Variants in DEUP1 observed in about 807,000 individuals in gnomAD.
DEUP1 encodes the protein coiled-coil domain containing 67.
A neutral mutation model predicts 87.4 loss-of-function variants in DEUP1; 82 were observed. The ratio of observed to expected loss-of-function variants is 0.94; its 90% CI spans 0.78 to 1.13. The LOEUF is 1.13. Among genes scored for constraint, DEUP1 ranks in the 50% most tolerant of loss-of-function variants. The pLI, the probability that DEUP1 is intolerant of heterozygous loss-of-function variation, is 0.00. For missense variants in DEUP1, 663 were observed against 681.5 expected (o/e 0.97, Z 0.30); for synonymous variants, 214 against 222.7 (o/e 0.96, Z 0.35).
intron 7 of DEUP1, among the ~76,000 whole-genome samples, chr11:93,376,172 G>A (rs1419929702): frequency 6.6e-6 from 1 of 152,104 alleles, no homozygotes; most frequent in Non-Finnish European, 1.5e-5. Flanking sequence ...TCGAACTCCT[G>A]AGCTCAAATG....
intron 12 of DEUP1, among the ~76,000 whole-genome samples, chr11:93,412,062 T>G (rs923589884): frequency 1.3e-5 from 2 of 152,178 alleles, no homozygotes; most frequent in African/African-American, 4.8e-5. Flanking sequence ...ATAGGGAGTT[T>G]AGTGGAGTGT....
At chr11:93,370,783 A>G (rs993642421) in intron 6 of DEUP1, among the ~76,000 whole-genome samples, 1 of 152,016 alleles carries the variant, frequency 6.6e-6, no homozygotes, top group Admixed American at 6.6e-5. Context: ...CTTGCTTAGT[A>G]TGGCTTTACT....
chr11:93,360,597 T>G, intron 4 of DEUP1, among the ~76,000 whole-genome samples: 1 of 152,014 alleles, frequency 6.6e-6, no homozygotes, highest in Non-Finnish European at 1.5e-5. Flanking sequence ...AAATAAATAA[T>G]ATAAAGAACC....
intron 13 of DEUP1, among the ~76,000 whole-genome samples, chr11:93,418,746 G>A (rs961979299): frequency 0.021 from 3,190 of 151,686 alleles, 71 homozygotes; most frequent in African/African-American, 0.057. Flanking sequence ...TGTTTATTGC[G>A]GCACTATTCA....
intron 11 of DEUP1, among the ~76,000 whole-genome samples, chr11:93,403,605 A>G (rs943587440): frequency 1.3e-5 from 2 of 151,698 alleles, no homozygotes; most frequent in Non-Finnish European, 2.9e-5. Context: ...CAAGTGATTT[A>G]TTTTATTAGC....
At chr11:93,409,648 A>G (rs896654557) in intron 12 of DEUP1, among the ~76,000 whole-genome samples, 1 of 152,214 alleles carries the variant, frequency 6.6e-6, no homozygotes, top group African/African-American at 2.4e-5. Flanking sequence ...TCATAAGCTC[A>G]TAATAGTTAG....
At position 93,371,201 on chromosome 11, in the gene DEUP1, T is replaced by G; in HGVS notation, c.710T>G (p.Ile237Arg). Residue 237 changes from isoleucine (I) to arginine (R), a missense_variant, in exon 7 of 14, where the codon ATA becomes AGA. Coordinates refer to ENST00000298050, the MANE Select transcript of DEUP1 (RefSeq NM_181645.4). ...AAACTGAAATCAGCTGTAAATGAGA[T>G]AGCACTAAGCAGGAATAAATTACAA... ...IEKLKSAVNE[I>R]ALSRNKLQDE... is the part of the protein sequence containing the mutation. The G allele has an allele frequency of 6.2e-7, 1 of 1,613,084 alleles. No individual in the cohort carries two copies. Among genetic ancestry groups the G allele is most frequent in the African/African-American group, 1.3e-5 (1 of 75,036 alleles).
intron 11 of DEUP1, among the ~76,000 whole-genome samples, chr11:93,403,048 T>G (rs1947169959): frequency 6.6e-6 from 1 of 151,994 alleles, no homozygotes; most frequent in African/African-American, 2.4e-5. Context: ...TTTAAGGTGA[T>G]GATACCTCAA....
At chr11:93,416,119 A>C (rs1591255430) in intron 13 of DEUP1, among the ~76,000 whole-genome samples, 1 of 152,232 alleles carries the variant, frequency 6.6e-6, no homozygotes, top group African/African-American at 2.4e-5. Context: ...AGCGTATAAG[A>C]GTTGTCCTTG....
At chr11:93,339,959 T>C (rs1943976461) in intron 2 of DEUP1, among the ~76,000 whole-genome samples, 1 of 151,994 alleles carries the variant, frequency 6.6e-6, no homozygotes, top group Non-Finnish European at 1.5e-5. Flanking sequence ...TCAGAAGGGG[T>C]CTGCTAAAAC....
intron 13 of DEUP1, among the ~76,000 whole-genome samples, chr11:93,420,477 G>A (rs1436914796): frequency 2.0e-5 from 3 of 151,578 alleles, no homozygotes; most frequent in African/African-American, 4.8e-5. Flanking sequence ...GCAAAAACTG[G>A]AAGCATTCCC....
At chr11:93,386,448 G>A (rs540160409) in intron 8 of DEUP1, among the ~76,000 whole-genome samples, 1 of 152,296 alleles carries the variant, frequency 6.6e-6, no homozygotes, top group East Asian at 1.9e-4. Context: ...CATAGAACTT[G>A]AATCTTTCTC....
At chr11:93,395,624 C>T (rs937205695) in intron 10 of DEUP1, among the ~76,000 whole-genome samples, 2 of 151,986 alleles carry the variant, frequency 1.3e-5, no homozygotes, top group African/African-American at 4.8e-5. Context: ...TAGGTTTTGT[C>T]AATGAGCATA....
intron 10 of DEUP1, among the ~76,000 whole-genome samples, chr11:93,394,916 A>G (rs1263734171): frequency 6.6e-6 from 1 of 151,928 alleles, no homozygotes; most frequent in Non-Finnish European, 1.5e-5. Flanking sequence ...CTATATTCTG[A>G]TCACCTCCCA....
intron 5 of DEUP1, among the ~76,000 whole-genome samples, chr11:93,368,189 T>C (rs1481991781): frequency 2.0e-5 from 3 of 152,220 alleles, no homozygotes; most frequent in East Asian, 1.9e-4. Flanking sequence ...GTTATACCAA[T>C]TGGTACTGCC....
chr11:93,408,853 G>GGTTT (rs368959929), intron 12 of DEUP1, among the ~76,000 whole-genome samples: 20 of 151,684 alleles, frequency 1.3e-4, no homozygotes, highest in Admixed American at 2.0e-4. Context: ...TGTTTTTTGG[G>GGTTT]GTTTGTTTGT....
chr11:93,373,445 A>G (rs1945838210), intron 7 of DEUP1, among the ~76,000 whole-genome samples: 1 of 151,766 alleles, frequency 6.6e-6, no homozygotes. Flanking sequence ...CGTAAGTAGG[A>G]GCAATAACAA....
intron 9 of DEUP1, among the ~76,000 whole-genome samples, chr11:93,390,266 G>A (rs1227302774): frequency 6.6e-6 from 1 of 151,974 alleles, no homozygotes; most frequent in East Asian, 1.9e-4. Flanking sequence ...AAATATATAG[G>A]GTCATAAATT....
At chr11:93,346,383 C>T (rs1944349591) in intron 2 of DEUP1, among the ~76,000 whole-genome samples, 1 of 152,118 alleles carries the variant, frequency 6.6e-6, no homozygotes, top group East Asian at 1.9e-4. Flanking sequence ...ATCACCATGC[C>T]CAGCTAATTT....
Sources: allele counts gnomAD v4.1 joint callset (sites outside exome capture counted in the v4.1 genomes callset), GRCh38; gene constraint gnomAD v4.1.1; transcripts MANE v1.5; gene names NCBI Gene and HGNC (gene_info 2026-07-23, HGNC 2026-07-21).